Variants in CEP290 observed in about 807,000 individuals in gnomAD.
The protein encoded by CEP290 is centrosomal protein of 290 kDa.
A neutral mutation model predicts 344.9 loss-of-function variants in CEP290; 317 were observed. That is an observed-to-expected ratio of 0.92 (90% CI 0.84 to 1.01). CEP290 has a LOEUF of 1.01. Among genes scored for constraint, CEP290 ranks in the 50% least tolerant of loss-of-function variants. CEP290 has a pLI of 0.00. For missense variants in CEP290, 2,754 were observed against 2,761.4 expected, an observed-to-expected ratio of 1.00 and a Z score of 0.06; for synonymous variants, 932 against 895.8, an observed-to-expected ratio of 1.04 and a Z score of -0.72.
intron 18 of CEP290, chr12:88,115,802 T>C: frequency 4.1e-6 from 4 of 984,106 alleles, no homozygotes; most frequent in Non-Finnish European, 4.8e-6. Context: ...TCCGTAACTG[T>C]TCTATAAGAT....
intron 37 of CEP290, among the ~76,000 whole-genome samples, chr12:88,081,777 A>G (rs928001532): frequency 1.4e-4 from 21 of 152,106 alleles, no homozygotes; most frequent in African/African-American, 5.1e-4. Flanking sequence ...GTATTATATA[A>G]GGTATTTCAA....
At chr12:88,116,713 G>A (rs1018151331) in intron 18 of CEP290, among the ~76,000 whole-genome samples, 3 of 152,100 alleles carry the variant, frequency 2.0e-5, no homozygotes, top group Admixed American at 6.5e-5. Flanking sequence ...GGTGGCTCAC[G>A]CCTGTAATCC....
chr12:88,053,529 C>T (rs941090056), intron 52 of CEP290, 123 bp downstream of exon 52: 1 of 620,126 alleles, frequency 1.6e-6, no homozygotes, highest in African/African-American at 1.9e-5. Context: ...AGACCCAAAG[C>T]TTATCAGGAA....
rs1446851203 is a variant in CEP290 at position 88,084,600 on chromosome 12, C to T, written c.4690G>A (p.Glu1564Lys). The T allele has an allele frequency of 6.2e-7, 1 of 1,610,720 alleles. No homozygotes were observed. The highest frequency in any genetic ancestry group is 1.1e-5 in the South Asian group (1 of 90,734). ...TAATAAAATACCTCTCTGGCTTTTT[C>T]TAGAAGACGTTGATACTTCTTTAAT... ...EVLKKYQRLL[E>K]KAREEQREIV... is the part of the protein sequence containing the mutation. Residue 1564 changes from glutamate to lysine, a missense_variant, in exon 35 of 54, where the codon GAA becomes AAA. By Grantham distance (56) the Glu-to-Lys change is moderately conservative. Coordinates refer to ENST00000552810, the MANE Select transcript of CEP290 (RefSeq NM_025114.4).
intron 34 of CEP290, among the ~76,000 whole-genome samples, 174 bp downstream of exon 34, chr12:88,085,865 C>T (rs535805769): frequency 1.3e-5 from 2 of 152,186 alleles, no homozygotes; most frequent in Non-Finnish European, 2.9e-5. Flanking sequence ...TTCAAATTAA[C>T]TATATCTGCT....
intron 29 of CEP290, among the ~76,000 whole-genome samples, chr12:88,091,529 G>A (rs2037042502): frequency 6.6e-6 from 1 of 152,018 alleles, no homozygotes; most frequent in Admixed American, 6.5e-5. Context: ...AATAATTTTA[G>A]TTCAGTATTA....
intron 14 of CEP290, among the ~76,000 whole-genome samples, chr12:88,120,531 CACTT>C (rs1487813956): frequency 1.3e-5 from 2 of 152,126 alleles, no homozygotes; most frequent in African/African-American, 4.8e-5. Flanking sequence ...ATATAAAAAA[CACTT>C]ACCAAAATAC....
rs112738303 is a variant in CEP290, at chr12:88,071,304, A to G, written c.6001T>C (p.Leu2001=). Residue 2001 remains leucine (L), a synonymous_variant, in exon 43 of 54, where the codon TTG becomes CTG. Transcript: ENST00000552810. ...KRNLDLENDI[L]YMRAHQALPR... ...CACATAATAGCTTACCTCATATACA[A>G]TATATCATTTTCTAAGTCAAGATTT... The G allele has an allele frequency of 1.2e-5, 20 of 1,604,610 alleles. No individual in the cohort carries two copies. The highest frequency in any genetic ancestry group is 1.2e-4 in the African/African-American group (9 of 74,682).
intron 13 of CEP290, among the ~76,000 whole-genome samples, chr12:88,122,712 C>T (rs913312362): frequency 6.6e-6 from 1 of 152,112 alleles, no homozygotes; most frequent in African/African-American, 2.4e-5. Flanking sequence ...TACGCACAAT[C>T]CATACTATTA....
At chr12:88,132,901 G>A (rs1307468175) in intron 6 of CEP290, among the ~76,000 whole-genome samples, 2 of 151,874 alleles carry the variant, frequency 1.3e-5, no homozygotes, top group Non-Finnish European at 2.9e-5. Context: ...ACCCCTTGAC[G>A]GGTCCCAGTG....
rs373498346 is a variant in CEP290, at chr12:88,118,558, C to T, written c.1636G>A (p.Glu546Lys). The T allele has an allele frequency of 3.8e-6, 6 of 1,595,686 alleles. No individual in the cohort carries two copies. In the African/African-American group the frequency reaches 6.7e-5, roughly 18 times the overall value. ...QILLKEIESL[E>K]EERLDLKKKI... ...TTTTTCAGATCAAGTCGTTCTTCCT[C>T]TAGACTTTCAATCTGCAAAGTATAA... The change falls in exon 17 of 54, where the codon GAG becomes AAG. Residue 546 changes from glutamate to lysine, a missense_variant. By Grantham distance (56) the Glu-to-Lys change is moderately conservative. Transcript: ENST00000552810.
intron 43 of CEP290, 85 bp downstream of exon 43, chr12:88,071,209 G>A (rs1329769563): frequency 9.1e-7 from 1 of 1,093,784 alleles, no homozygotes. Flanking sequence ...CCAAGCTTAA[G>A]ACAACACACA....
chr12:88,106,846 A>G lies in CEP290; in HGVS notation c.2646T>C (p.Asn882=), dbSNP rs2038318253. Residue 882 remains asparagine (N), a synonymous_variant, in exon 25 of 54, where the codon AAT becomes AAC. Transcript: ENST00000552810. ...CTTGCAAAACAGTAATTTTCCTACTATTTTCTGCAAGTATTTTTTTCATTT... is the reference window on the plus strand; with the variant it reads ...CTTGCAAAACAGTAATTTTCCTACTGTTTTCTGCAAGTATTTTTTTCATTT... ...SDEMKKILAE[N]SRKITVLQVN... is the part of the protein sequence containing the mutation. 3 of 1,607,886 alleles carry G rather than the reference A, an allele frequency of 1.9e-6. No homozygotes were observed. Among genetic ancestry groups the G allele is most frequent in the Non-Finnish European group, 2.5e-6 (3 of 1,176,852 alleles).
chr12:88,070,121 C>T (rs1453084019), intron 43 of CEP290, among the ~76,000 whole-genome samples: 1 of 152,134 alleles, frequency 6.6e-6, no homozygotes, highest in Admixed American at 6.5e-5. Flanking sequence ...CTCAAAGGCT[C>T]TGCTAAGAAA....
At chr12:88,096,072 G>A (rs1046910577) in intron 27 of CEP290, among the ~76,000 whole-genome samples, 5 of 150,984 alleles carry the variant, frequency 3.3e-5, no homozygotes, top group African/African-American at 1.2e-4. Context: ...TTTTGAGACG[G>A]AGTCTCACTC....
In CEP290 at chr12:88,084,616, C is replaced by T; in HGVS notation, c.4674G>A (p.Lys1558=). 1 of 1,612,194 alleles carries T rather than the reference C, an allele frequency of 6.2e-7. No homozygotes were observed. Among genetic ancestry groups the T allele is most frequent in the South Asian group, 1.1e-5 (1 of 90,958 alleles). The change falls in exon 35 of 54, where the codon AAG becomes AAA. Residue 1558 remains lysine (K), a synonymous_variant. Coordinates refer to ENST00000552810, the MANE Select transcript of CEP290 (RefSeq NM_025114.4). ...TGGCTTTTTCTAGAAGACGTTGATACTTCTTTAATACTTCTTCTTTTTGAT... is the reference window on the plus strand; with the variant it reads ...TGGCTTTTTCTAGAAGACGTTGATATTTCTTTAATACTTCTTCTTTTTGAT... ...RLNQKEEVLK[K]YQRLLEKARE...
Position 88,111,875 on chromosome 12 carries a change from A to G in CEP290, c.2053-17T>C. On this transcript the variant is annotated splice_polypyrimidine_tract_variant and intron_variant, in intron 20 of 53. Coordinates refer to ENST00000552810, the MANE Select transcript of CEP290 (RefSeq NM_025114.4). ...TTCTATAGCCTAGCAAATTTATATT[A>G]TATATTAGAAATGTGGAGAAAAACA... 3 of 1,476,704 alleles carry G rather than the reference A, an allele frequency of 2.0e-6. No homozygotes were observed. The highest frequency in any genetic ancestry group is 2.8e-5 in the South Asian group (2 of 70,372). 91.5% of individuals were successfully genotyped at this position (1,476,704 alleles called of 1,614,324 possible).
intron 20 of CEP290, 70 bp downstream of exon 20, chr12:88,114,350 G>C: frequency 2.5e-6 from 3 of 1,213,746 alleles, no homozygotes; most frequent in Non-Finnish European, 3.4e-6. Flanking sequence ...AAACTATGGA[G>C]ATCTGTACAC....
rs1592735005 is a variant in CEP290 at position 88,058,722 on chromosome 12, A to G, written c.6818+126T>C. 6 of 931,340 alleles carry G rather than the reference A, an allele frequency of 6.4e-6. No individual in the cohort carries two copies. In the East Asian group the frequency reaches 1.6e-4, roughly 24 times the overall value. 57.7% of individuals were successfully genotyped at this position (931,340 alleles called of 1,614,324 possible). ...TACAACAGAAAAAAAGTATTATGTT[A>G]AAACAACAACCAAACAAACTGTTCA... On this transcript the variant is annotated intron_variant, in intron 49 of 53. Coordinates refer to ENST00000552810, the MANE Select transcript of CEP290 (RefSeq NM_025114.4).
Sources: gnomAD v4.1 joint callset for allele counts (sites outside exome capture counted in the v4.1 genomes callset) on GRCh38, gnomAD v4.1.1 for gene constraint, MANE v1.5 for transcripts, NCBI Gene and HGNC (gene_info 2026-07-23, HGNC 2026-07-21) for gene names.